The following TRPM3 variants were observed in gnomAD, a reference collection of about 807,000 sequenced individuals.
TRPM3 encodes the protein transient receptor potential cation channel subfamily M member 3.
In TRPM3, 77 loss-of-function variants were observed where a neutral mutation model predicts 181.2. That is an observed-to-expected ratio of 0.42 (90% CI 0.35 to 0.51). The LOEUF (loss-of-function observed/expected upper bound fraction) is 0.51, where lower values mean the gene tolerates loss of function less well. TRPM3 is among the 20% of genes least tolerant of loss of function. The pLI is 0.01. For synonymous variants in TRPM3, 745 were observed against 796.4 expected (o/e 0.94, Z 1.09); for missense variants, 1,759 against 2,196.7 (o/e 0.80, Z 3.98).
upstream of TRPM3, among the ~76,000 whole-genome samples, chr9:71,126,419 C>T (rs1485012924): frequency 6.6e-6 from 1 of 152,038 alleles, no homozygotes; most frequent in African/African-American, 2.4e-5. Context: ...ACATACTTTC[C>T]TGGTTCTTCC....
At chr9:71,133,419 C>T (rs2074502917) in intron 1 of TRPM3, among the ~76,000 whole-genome samples, 1 of 149,836 alleles carries the variant, frequency 6.7e-6, no homozygotes, top group Non-Finnish European at 1.5e-5. Flanking sequence ...CTCAGCCTCC[C>T]CTCCCGAGTA....
At chr9:71,104,930 G>C (rs541520771) in intron 1 of TRPM3, among the ~76,000 whole-genome samples, 1 of 152,298 alleles carries the variant, frequency 6.6e-6, no homozygotes, top group East Asian at 1.9e-4. Context: ...CTCTTTGGCA[G>C]TTCCTACTAA....
chr9:71,048,645 T>C (rs2059730987), intron 1 of TRPM3, among the ~76,000 whole-genome samples: 1 of 152,220 alleles, frequency 6.6e-6, no homozygotes, highest in Non-Finnish European at 1.5e-5. Context: ...CTCACCCCAT[T>C]TGATTCTATG....
chr9:71,032,050 TA>T lies in TRPM3; in HGVS notation c.177+89127del, dbSNP rs2057486207. Among the ~76,000 whole-genome samples, 17 of 7,814 alleles carry T rather than the reference TA, an allele frequency of 2.2e-3. 1 individual carries two copies. Among genetic ancestry groups the T allele is most frequent in the South Asian group, 0.01 (2 of 198 alleles). The allele number at this position is 7,814 out of a possible 152,430, so 5.1% of individuals were successfully genotyped here. A position where few individuals can be genotyped will look rare whatever the true frequency, so the allele number is the denominator to read the frequency against. On this transcript the variant is annotated intron_variant, in intron 1 of 25. Transcript: ENST00000677713. ...ATAATATAAATATATATATATATAT[TA>T]TATATATTATATATATTATATTATA...
chr9:71,226,569 A>G (rs998618387), intron 1 of TRPM3, among the ~76,000 whole-genome samples: 1 of 152,164 alleles, frequency 6.6e-6, no homozygotes, highest in Non-Finnish European at 1.5e-5. Flanking sequence ...CAAAAACTAT[A>G]AAAAGAGACA....
At chr9:71,442,174 C>G (rs1247680805) in intron 1 of TRPM3, among the ~76,000 whole-genome samples, 3 of 152,202 alleles carry the variant, frequency 2.0e-5, no homozygotes, top group Non-Finnish European at 4.4e-5. Flanking sequence ...TCCATACACT[C>G]TCTCAGTTGC....
At position 71,094,565 on chromosome 9, in the gene TRPM3, T is replaced by C. The variant is rs193213994; in HGVS notation, c.177+26613A>G. ...AGAGGAATATAGGAGGAGAAAATTA[T>C]TGGGTAAGGGCACAGATTAGGTTCA... On this transcript the variant is annotated intron_variant, in intron 1 of 25. Coordinates refer to ENST00000677713, the MANE Select transcript of TRPM3 (RefSeq NM_001366145.2). 5.2e-3 allele frequency among the ~76,000 whole-genome samples: 795 copies of C among 152,262 alleles called. 4 individuals carry two copies. The highest frequency in any genetic ancestry group is 0.01 in the Middle Eastern group (3 of 294).
chr9:70,689,555 A>T (rs1195162421), intron 8 of TRPM3, among the ~76,000 whole-genome samples: 1 of 151,916 alleles, frequency 6.6e-6, no homozygotes, highest in Non-Finnish European at 1.5e-5. Flanking sequence ...GAAGTGAAGT[A>T]ATAATAATCC....
chr9:71,393,541 C>T (rs939754670), intron 1 of TRPM3, among the ~76,000 whole-genome samples: 2 of 152,058 alleles, frequency 1.3e-5, no homozygotes, highest in Non-Finnish European at 1.5e-5. Flanking sequence ...TTAGAAATCA[C>T]CAAGGAAAAT....
chr9:71,274,028 C>T lies in TRPM3; in HGVS notation c.183+172625G>A, dbSNP rs1372691283. Among the ~76,000 whole-genome samples the T allele has an allele frequency of 3.3e-5, 5 of 152,270 alleles. No individual in the cohort carries two copies. The East Asian group carries it at 5.8e-4, about 18-fold the overall frequency. On this transcript the variant is annotated intron_variant, in intron 1 of 24. Transcript: ENST00000357533. The stretch of plus-strand genomic sequence containing the variant: ...ATAAAATTCATTGTTTAGGTGTCCT[C>T]ATCTGTTACCGGTGGTTGTTGTACA...
intron 17 of TRPM3, among the ~76,000 whole-genome samples, chr9:70,618,497 G>T (rs1164736137): frequency 6.6e-6 from 1 of 152,190 alleles, no homozygotes; most frequent in Non-Finnish European, 1.5e-5. Flanking sequence ...GAGGGCCAGG[G>T]GTTCAGGCAC....
In TRPM3 at chr9:70,897,506, T is replaced by C. The variant is rs187681747; in HGVS notation, c.178-32995A>G. 3.9e-3 allele frequency among the ~76,000 whole-genome samples: 594 copies of C among 152,124 alleles called. 4 individuals carry two copies. Among genetic ancestry groups the C allele is most frequent in the Non-Finnish European group, 6.3e-3 (430 of 68,004 alleles). On this transcript the variant is annotated intron_variant, in intron 1 of 25. Coordinates refer to ENST00000677713, the MANE Select transcript of TRPM3 (RefSeq NM_001366145.2). ...ATCAGCGGTGGAATTAGATCTCAAT[T>C]TTCAATTTCCCAACAATTCTGTTTG... is the stretch of plus-strand genomic sequence containing the variant.
chr9:71,421,013 G>GAGAAAAAGAGAAAAAGAGAGAAAA (rs2093762464), intron 1 of TRPM3, among the ~76,000 whole-genome samples: 1 of 147,354 alleles, frequency 6.8e-6, no homozygotes, highest in African/African-American at 2.5e-5. Flanking sequence ...GAGAAAAAGA[G>GAGAAAAAGAGAAAAAGAGAGAAAA]AGAAAAAGAG....
chr9:70,540,068 G>A (rs1338876994), intron 25 of TRPM3, among the ~76,000 whole-genome samples: 1 of 152,070 alleles, frequency 6.6e-6, no homozygotes, highest in Admixed American at 6.6e-5. Context: ...GAACTCTTGG[G>A]CTCAAACAAT....
chr9:70,838,063 T>C (rs555149629), intron 5 of TRPM3, among the ~76,000 whole-genome samples: 4 of 152,282 alleles, frequency 2.6e-5, no homozygotes, highest in Non-Finnish European at 4.4e-5. Flanking sequence ...GTTATGCTCA[T>C]AGAAGTTGTA....
intron 25 of TRPM3, among the ~76,000 whole-genome samples, chr9:70,547,032 A>T (rs1033140524): frequency 2.0e-5 from 3 of 152,336 alleles, no homozygotes; most frequent in East Asian, 1.9e-4. Context: ...GACTCACGCA[A>T]ATACAACGTG....
chr9:70,911,061 C>A (rs1026937487), intron 1 of TRPM3, among the ~76,000 whole-genome samples: 2 of 152,098 alleles, frequency 1.3e-5, no homozygotes, highest in African/African-American at 4.8e-5. Flanking sequence ...TTAGGAAATT[C>A]CAAGATTATA....
chr9:71,408,286 C>G (rs781583228), intron 1 of TRPM3, among the ~76,000 whole-genome samples: 4 of 152,096 alleles, frequency 2.6e-5, no homozygotes, highest in Non-Finnish European at 4.4e-5. Flanking sequence ...TTCAGAAGAA[C>G]GTTAATAACG....
At chr9:71,036,263 G>T (rs1290786635) in intron 1 of TRPM3, among the ~76,000 whole-genome samples, 1 of 152,058 alleles carries the variant, frequency 6.6e-6, no homozygotes, top group South Asian at 2.1e-4. Flanking sequence ...GACTGTAATT[G>T]CTTCTTATCC....
Sources: allele counts gnomAD v4.1 joint callset (sites outside exome capture counted in the v4.1 genomes callset), GRCh38; gene constraint gnomAD v4.1.1; transcripts MANE v1.5; gene names NCBI Gene and HGNC (gene_info 2026-07-23, HGNC 2026-07-21).